Variants in SCYL1 observed in about 807,000 individuals in gnomAD.
SCYL1 encodes N-terminal kinase-like protein.
In SCYL1, 85 loss-of-function variants were observed where a neutral mutation model predicts 94.8. The observed-to-expected ratio is 0.90, with a 90% CI of 0.75 to 1.07. The LOEUF is 1.07. Among genes scored for constraint, SCYL1 ranks in the 50% least tolerant of loss-of-function variants. SCYL1 has a pLI of 0.00. For missense variants in SCYL1, 968 were observed against 1,083.3 expected, an observed-to-expected ratio of 0.89 and a Z score of 1.49; for synonymous variants, 459 against 435.5, an observed-to-expected ratio of 1.05 and a Z score of -0.67.
In SCYL1 at chr11:65,538,086, C is replaced by T. The variant is rs758250704; in HGVS notation, c.2151C>T (p.Asp717=). The part of the protein sequence containing the change: ...QEPSSQEPPP[D]GTRLASEYNW... Reference sequence around the variant, plus strand: ...CAAGCTCCCAGGAGCCACCTCCTGACGGTACACGGCTGGCCAGCGAGTATA... The same window carrying T: ...CAAGCTCCCAGGAGCCACCTCCTGATGGTACACGGCTGGCCAGCGAGTATA... The change falls in exon 16 of 18, where the codon GAC becomes GAT. Residue 717 remains aspartate (D), a synonymous_variant. Coordinates refer to ENST00000270176, the MANE Select transcript of SCYL1 (RefSeq NM_020680.4). 11 of 1,606,554 alleles carry T rather than the reference C, an allele frequency of 6.8e-6. No homozygotes were observed. Among genetic ancestry groups the T allele is most frequent in the Non-Finnish European group, 9.3e-6 (11 of 1,177,258 alleles).
rs769727244 is a variant in SCYL1 at position 65,530,769 on chromosome 11, C to T, written c.990C>T (p.Val330=). Reference sequence around the variant, plus strand: ...AGTTCGGCAATGCTGGGGCCGTTGTCCTCACGCCCCTCTTCAAGGTGAGTG... The same window carrying T: ...AGTTCGGCAATGCTGGGGCCGTTGTTCTCACGCCCCTCTTCAAGGTGAGTG... ...AFEFGNAGAV[V]LTPLFKVGKF... Residue 330 remains valine (V), a synonymous_variant, in exon 7 of 18, where the codon GTC becomes GTT. Transcript: ENST00000270176. 5.1e-5 allele frequency: 82 copies of T among 1,612,364 alleles called. No homozygotes were observed. Among genetic ancestry groups the T allele is most frequent in the Non-Finnish European group, 5.6e-5 (66 of 1,179,358 alleles).
In SCYL1 at chr11:65,535,995, A is replaced by G. The variant is rs1223646466; in HGVS notation, c.1429A>G (p.Arg477Gly). ...VLTSAFSRAT[R>G]DPFAPSRVAG... ...TACCTCTGCCTTCAGCCGAGCCACT[A>G]GGGACCCGTTTGCACCGTCCCGGGT... is the stretch of plus-strand genomic sequence containing the variant. Residue 477 changes from arginine to glycine, a missense_variant, in exon 11 of 18, where the codon AGG (arginine) becomes GGG (glycine). Arg to Gly is a moderately radical substitution (Grantham distance 125, BLOSUM62 -2). Around this residue, in one of 2 missense-constraint regions of SCYL1, gnomAD observed 474 missense variants for 463.6 expected, o/e 1.02. Coordinates refer to ENST00000270176, the MANE Select transcript of SCYL1 (RefSeq NM_020680.4). The G allele has an allele frequency of 1.2e-6, 2 of 1,611,976 alleles. No individual in the cohort carries two copies. Among genetic ancestry groups the G allele is most frequent in the Admixed American group, 3.4e-5 (2 of 59,562 alleles).
At chr11:65,536,936 T>G in intron 13 of SCYL1, 50 bp from the exon 14 acceptor site, 1 of 1,411,668 alleles carries the variant, frequency 7.1e-7, no homozygotes, top group Non-Finnish European at 1.0e-6. Flanking sequence ...TAGCAGCCTC[T>G]GCCCTGTCCC....
chr11:65,537,238 C>T, intron 14 of SCYL1, 110 bp downstream of exon 14: 2 of 1,214,634 alleles, frequency 1.6e-6, no homozygotes, highest in South Asian at 2.7e-5. Context: ...CTCATCAGCA[C>T]AGCATCCCTG....
chr11:65,527,836 C>T (rs1855168324), intron 6 of SCYL1, among the ~76,000 whole-genome samples: 4 of 151,548 alleles, frequency 2.6e-5, no homozygotes, highest in Admixed American at 2.6e-4. Context: ...ACATTTTGGA[C>T]AAGGGAGACT....
At chr11:65,530,383 T>G (rs1410923215) in intron 6 of SCYL1, among the ~76,000 whole-genome samples, 1 of 152,210 alleles carries the variant, frequency 6.6e-6, no homozygotes, top group Non-Finnish European at 1.5e-5. Flanking sequence ...ATCTGCCGTG[T>G]GCCAGCCTGT....
chr11:65,530,604 C>T lies in SCYL1; in HGVS notation c.850-25C>T, dbSNP rs376353981. 1.9e-5 allele frequency: 31 copies of T among 1,601,770 alleles called. No individual in the cohort carries two copies. The East Asian group carries it at 2.7e-4, about 14-fold the overall frequency. ...GGCTGCAACCAGGCTGATCTCTTCCCCGGGTCCCGTCCTCACTCCCCCAGA... is the reference window on the plus strand; with the variant it reads ...GGCTGCAACCAGGCTGATCTCTTCCTCGGGTCCCGTCCTCACTCCCCCAGA... On this transcript the variant is annotated intron_variant, in intron 6 of 17. Transcript: ENST00000270176.
intron 8 of SCYL1, among the ~76,000 whole-genome samples, chr11:65,532,296 G>A (rs1233814293): frequency 6.6e-6 from 1 of 152,016 alleles, no homozygotes; most frequent in Non-Finnish European, 1.5e-5. Flanking sequence ...GCGGTGGTGG[G>A]TGCCTGTAAT....
In SCYL1 at chr11:65,538,667, G is replaced by A. The variant is rs1043598432; in HGVS notation, c.*101G>A. 19 of 1,351,612 alleles carry A rather than the reference G, an allele frequency of 1.4e-5. No individual in the cohort carries two copies. The highest frequency in any genetic ancestry group is 1.9e-4 in the Middle Eastern group (1 of 5,296). 83.7% of individuals were successfully genotyped at this position (1,351,612 alleles called of 1,614,324 possible). A position where few individuals can be genotyped will look rare whatever the true frequency, so the allele number is the denominator to read the frequency against. On this transcript the variant is annotated 3_prime_UTR_variant, in exon 18 of 18. Transcript: ENST00000270176. ...GGCCGGCCCAGCCAGGCCATCTCAC[G>A]TGTACATAATCAGAGCCACAATAAA...
chr11:65,535,583 C>T, intron 10 of SCYL1: 1 of 709,788 alleles, frequency 1.4e-6, no homozygotes, highest in Non-Finnish European at 2.3e-6. Context: ...GATCTGAATC[C>T]AGGCGTGCTT....
At chr11:65,537,664 T>G in intron 14 of SCYL1, 145 bp from the exon 15 acceptor site, 1 of 678,980 alleles carries the variant, frequency 1.5e-6, no homozygotes, top group Non-Finnish European at 2.4e-6. Context: ...CAGCGTCCAT[T>G]TAATAGATGG....
Position 65,530,718 on chromosome 11 carries a change from G to T in SCYL1, c.939G>T (p.Val313=). 6.2e-7 allele frequency: 1 copy of T among 1,614,044 alleles called. No individual in the cohort carries two copies. The highest frequency in any genetic ancestry group is 8.5e-7 in the Non-Finnish European group (1 of 1,180,004). ...CTGAGGATTTCTGTCGGCACAAGGT[G>T]CTGCCCCAGCTGCTGACCGCCTTCG... is the stretch of plus-strand genomic sequence containing the variant. ...AFPEDFCRHK[V]LPQLLTAFEF... The change falls in exon 7 of 18, where the codon GTG becomes GTT. Residue 313 remains valine (V), a synonymous_variant. Coordinates refer to ENST00000270176, the MANE Select transcript of SCYL1 (RefSeq NM_020680.4).
chr11:65,538,054 C>A lies in SCYL1; in HGVS notation c.2119C>A (p.Gln707Lys). Residue 707 changes from glutamine (Q) to lysine (K), a missense_variant, in exon 16 of 18, where the codon CAG (glutamine) becomes AAG (lysine). By Grantham distance (53) the Gln-to-Lys change is moderately conservative (BLOSUM62 1). Coordinates refer to ENST00000270176, the MANE Select transcript of SCYL1 (RefSeq NM_020680.4). ...EAEGSWEQGW[Q>K]EPSSQEPPPD... ...TGAGGGCTCCTGGGAACAGGGCTGG[C>A]AGGAGCCAAGCTCCCAGGAGCCACC... 1 of 1,610,162 alleles carries A rather than the reference C, an allele frequency of 6.2e-7. No individual in the cohort carries two copies.
At chr11:65,532,974 C>T (rs113783802) in intron 9 of SCYL1, 169 bp downstream of exon 9, 44 of 596,394 alleles carry the variant, frequency 7.4e-5, no homozygotes, top group African/African-American at 7.0e-4. Context: ...GGAGCACGTC[C>T]TCCATTCAGC....
rs749779549 is a variant in SCYL1, at chr11:65,532,754, C to T, written c.1179C>T (p.Val393=). ...TCAACACCCAGATCTTCCCCCACGT[C>T]GTACATGGCTTCCTGGACACCAACC... ...PTVNTQIFPH[V]VHGFLDTNPA... The change falls in exon 9 of 18, where the codon GTC becomes GTT. Residue 393 remains valine, a synonymous_variant. Transcript: ENST00000270176. The T allele has an allele frequency of 1.4e-5, 23 of 1,614,038 alleles. 1 individual carries two copies. In the South Asian group the frequency reaches 1.8e-4, roughly 12 times the overall value.
chr11:65,525,324 C>T (rs1855020257), intron 1 of SCYL1, 60 bp downstream of exon 1: 22 of 1,262,962 alleles, frequency 1.7e-5, no homozygotes, highest in Non-Finnish European at 2.0e-5. Flanking sequence ...TTCCGCGCCG[C>T]CGACCCCGTC....
At chr11:65,527,247 C>G in intron 6 of SCYL1, 130 bp downstream of exon 6, 1 of 967,772 alleles carries the variant, frequency 1.0e-6, no homozygotes, top group South Asian at 1.6e-5. Flanking sequence ...AATCCGGGTT[C>G]AAACCCAGGC....
Position 65,532,799 on chromosome 11 carries a change from G to A in SCYL1, c.1224G>A (p.Thr408=), listed in dbSNP as rs750985349. 43 of 1,613,066 alleles carry A rather than the reference G, an allele frequency of 2.7e-5. No homozygotes were observed. Among genetic ancestry groups the A allele is most frequent in the South Asian group, 8.8e-5 (8 of 91,048 alleles). Residue 408 remains threonine, a synonymous_variant, in exon 9 of 18, where the codon ACG becomes ACA. Coordinates refer to ENST00000270176, the MANE Select transcript of SCYL1 (RefSeq NM_020680.4). The part of the protein sequence containing the change: ...LDTNPAIREQ[T]VKSMLLLAPK... The stretch of plus-strand genomic sequence containing the variant: ...CCAACCCTGCCATCCGGGAGCAGAC[G>A]GTCAAGGTGGGTGTGGCCAGGCCCA...
At chr11:65,536,859 G>C (rs1855677409) in intron 13 of SCYL1, 109 bp downstream of exon 13, 1 of 1,370,238 alleles carries the variant, frequency 7.3e-7, no homozygotes, top group Non-Finnish European at 1.0e-6. Flanking sequence ...GGATATAGGA[G>C]CTGGGTAGGC....
Sources: gnomAD v4.1 joint callset for allele counts (sites outside exome capture counted in the v4.1 genomes callset) on GRCh38, gnomAD v4.1.1 for gene constraint, gnomAD v4.1.1 regional missense constraint, MANE v1.5 for transcripts, NCBI Gene and HGNC (gene_info 2026-07-23, HGNC 2026-07-21) for gene names.